GRID2: variants seen among roughly 807,000 people sequenced by gnomAD.
GRID2 encodes the protein glutamate receptor ionotropic, delta-2.
Under a neutral mutation model 114.8 loss-of-function variants are expected in GRID2, and 33 were observed. The observed-to-expected ratio is 0.29, with a 90% confidence interval of 0.22 to 0.38. The LOEUF is 0.38. GRID2 is among the 10% of genes least tolerant of loss of function. The pLI is 1.00. For synonymous variants in GRID2, 505 were observed against 449.9 expected (o/e 1.12, Z -1.55); for missense variants, 1,184 against 1,257.7 (o/e 0.94, Z 0.89).
intron 12 of GRID2, among the ~76,000 whole-genome samples, chr4:93,493,954 A>T (rs751175749): frequency 2.0e-5 from 3 of 151,776 alleles, no homozygotes; most frequent in Non-Finnish European, 4.4e-5. Context: ...GGAATGAGAG[A>T]ATCAGAGCCA....
At position 92,954,981 on chromosome 4, in the gene GRID2, T is replaced by C. The variant is rs796731896; in HGVS notation, c.245-130014T>C. 1.8e-3 allele frequency among the ~76,000 whole-genome samples: 207 copies of C among 116,570 alleles called. No homozygotes were observed. The East Asian group carries it at 0.024, about 13-fold the overall frequency. 76.5% of individuals were successfully genotyped at this position (116,570 alleles called of 152,430 possible). On this transcript the variant is annotated intron_variant, in intron 2 of 15. Coordinates refer to ENST00000282020, the MANE Select transcript of GRID2 (RefSeq NM_001510.4). ...TATGGCTGCATAGTATTCCATGGTG[T>C]ATATGTGCCACATTTTCTTAATCCA...
chr4:93,244,021 T>G (rs1014958082), intron 8 of GRID2, among the ~76,000 whole-genome samples: 3 of 152,050 alleles, frequency 2.0e-5, no homozygotes, highest in African/African-American at 7.2e-5. Flanking sequence ...TAAGAAGACA[T>G]AAAAAGTAAA....
intron 8 of GRID2, among the ~76,000 whole-genome samples, chr4:93,312,217 A>G (rs919058343): frequency 2.6e-5 from 4 of 152,196 alleles, no homozygotes; most frequent in African/African-American, 9.7e-5. Flanking sequence ...TAGAAGGCCA[A>G]TATGTTGGGA....
chr4:93,361,538 T>G (rs761318590), intron 8 of GRID2, among the ~76,000 whole-genome samples: 3 of 151,518 alleles, frequency 2.0e-5, no homozygotes, highest in Non-Finnish European at 4.4e-5. Flanking sequence ...AGCCTATCTC[T>G]CTGCTGAAAT....
chr4:92,815,914 C>CAAAAAAAA (rs5860292), intron 2 of GRID2, among the ~76,000 whole-genome samples: 1 of 46,862 alleles, frequency 2.1e-5, no homozygotes, highest in East Asian at 8.0e-4. Flanking sequence ...GACCCTGTCT[C>CAAAAAAAA]AAAAAAAAAA....
At chr4:92,964,098 A>G (rs1752986460) in intron 2 of GRID2, among the ~76,000 whole-genome samples, 2 of 151,980 alleles carry the variant, frequency 1.3e-5, no homozygotes, top group Non-Finnish European at 2.9e-5. Context: ...TGTTCCATTA[A>G]TAGGACACAG....
At chr4:93,402,384 G>A (rs905637076) in intron 9 of GRID2, among the ~76,000 whole-genome samples, 4 of 152,108 alleles carry the variant, frequency 2.6e-5, no homozygotes, top group African/African-American at 9.7e-5. Context: ...TTAACTGGAT[G>A]AAACTATGTG....
At chr4:93,532,691 T>C (rs1253825647) in intron 13 of GRID2, among the ~76,000 whole-genome samples, 4 of 152,176 alleles carry the variant, frequency 2.6e-5, no homozygotes, top group African/African-American at 9.6e-5. Flanking sequence ...GCAACAGAGA[T>C]GGTCTTACCA....
At chr4:92,479,651 G>A (rs1376975414) in intron 1 of GRID2, among the ~76,000 whole-genome samples, 2 of 152,136 alleles carry the variant, frequency 1.3e-5, no homozygotes, top group South Asian at 4.1e-4. Context: ...TTATAAAGTT[G>A]CTGCTTATTG....
chr4:93,579,914 C>A (rs1252479987), intron 13 of GRID2, among the ~76,000 whole-genome samples: 2 of 152,192 alleles, frequency 1.3e-5, no homozygotes, highest in African/African-American at 4.8e-5. Flanking sequence ...GACTGACTGG[C>A]AGAGAAGATG....
chr4:93,605,324 T>C (rs1164660066), intron 13 of GRID2, among the ~76,000 whole-genome samples: 1 of 152,220 alleles, frequency 6.6e-6, no homozygotes, highest in African/African-American at 2.4e-5. Flanking sequence ...TTGGACAGCA[T>C]AGACATAGAA....
chr4:93,151,120 C>CAAAA (rs3078717), intron 4 of GRID2, among the ~76,000 whole-genome samples: 1 of 102,502 alleles, frequency 9.8e-6, no homozygotes, highest in African/African-American at 3.6e-5. Flanking sequence ...TAAGACTCCT[C>CAAAA]AAAAAAAAAA....
chr4:92,590,798 A>G (rs1017522683), intron 2 of GRID2, among the ~76,000 whole-genome samples: 1 of 152,210 alleles, frequency 6.6e-6, no homozygotes, highest in African/African-American at 2.4e-5. Flanking sequence ...GGCACCAAAT[A>G]TTAAAGCACT....
chr4:93,586,912 T>G (rs1737589777), intron 13 of GRID2, among the ~76,000 whole-genome samples: 1 of 152,100 alleles, frequency 6.6e-6, no homozygotes, highest in Non-Finnish European at 1.5e-5. Context: ...TTTTAAAAAA[T>G]TCATGGAAGA....
chr4:93,139,771 CACAG>C (rs1735592643), intron 4 of GRID2, among the ~76,000 whole-genome samples: 1 of 151,990 alleles, frequency 6.6e-6, no homozygotes, highest in Admixed American at 6.6e-5. Flanking sequence ...CACATTCACA[CACAG>C]ACACACATAG....
intron 13 of GRID2, among the ~76,000 whole-genome samples, chr4:93,619,732 A>G (rs535200637): frequency 1.2e-4 from 19 of 152,200 alleles, no homozygotes; most frequent in Non-Finnish European, 2.2e-4. Flanking sequence ...ATTTTTTCCA[A>G]TGATCTTGAG....
intron 2 of GRID2, among the ~76,000 whole-genome samples, chr4:92,633,698 T>C (rs567099935): frequency 6.6e-6 from 1 of 152,238 alleles, no homozygotes; most frequent in South Asian, 2.1e-4. Context: ...TAAATGTATT[T>C]ACATTTTCAA....
chr4:92,452,408 C>T (rs1579389825), intron 1 of GRID2, among the ~76,000 whole-genome samples: 1 of 151,742 alleles, frequency 6.6e-6, no homozygotes, highest in Admixed American at 6.6e-5. Flanking sequence ...ACCTCTGCCT[C>T]CTAAGTTCAA....
chr4:92,780,978 T>G (rs530713587), intron 2 of GRID2, among the ~76,000 whole-genome samples: 2 of 151,908 alleles, frequency 1.3e-5, no homozygotes, highest in South Asian at 4.1e-4. Flanking sequence ...GTACAAAAAA[T>G]TTTGCCATGG....
Sources: gnomAD v4.1 joint callset for allele counts (sites outside exome capture counted in the v4.1 genomes callset) on GRCh38, gnomAD v4.1.1 for gene constraint, MANE v1.5 for transcripts, NCBI Gene and HGNC (gene_info 2026-07-23, HGNC 2026-07-21) for gene names.